Variants in CAMK2G observed in about 807,000 individuals in gnomAD.
CAMK2G encodes calcium/calmodulin dependent protein kinase II gamma.
In CAMK2G, 23 loss-of-function variants were observed where a neutral mutation model predicts 88.7. The ratio of observed to expected loss-of-function variants is 0.26; its 90% CI spans 0.19 to 0.37. The LOEUF (loss-of-function observed/expected upper bound fraction) is 0.37, where lower values mean the gene tolerates loss of function less well. CAMK2G is among the 10% of genes least tolerant of loss of function. The probability of loss-of-function intolerance (pLI) is 1.00; values close to 1 mark genes in which losing one functional copy is unlikely to be tolerated. For synonymous variants in CAMK2G, 263 were observed against 294.8 expected (o/e 0.89, Z 1.11); for missense variants, 476 against 780.8 (o/e 0.61, Z 4.65).
At chr10:73,835,588 G>A (rs532296578) in intron 14 of CAMK2G, among the ~76,000 whole-genome samples, 5 of 150,546 alleles carry the variant, frequency 3.3e-5, no homozygotes, top group Non-Finnish European at 5.9e-5. Flanking sequence ...CACCGCACCC[G>A]GCTTGCCAAA....
intron 19 of CAMK2G, chr10:73,818,855 G>A (rs760280606): frequency 1.8e-5 from 8 of 455,872 alleles, no homozygotes; most frequent in Non-Finnish European, 3.1e-5. Context: ...GATGGTGGGA[G>A]GAAAAGCAGC....
rs1427622340 is a variant in CAMK2G, at chr10:73,815,162, G to C, written c.1620C>G (p.Ala540=). The change falls in exon 22 of 23, where the codon GCC becomes GCG. Residue 540 remains alanine (A), a synonymous_variant. Transcript: ENST00000423381. ...CGATGTACTGGGTGAGGCGGATGTAGGCGATGCACGCTGCGTCCTCCCCAA... is the reference window on the plus strand; with the variant it reads ...CGATGTACTGGGTGAGGCGGATGTACGCGATGCACGCTGCGTCCTCCCCAA... The part of the protein sequence containing the change: ...HVIGEDAACI[A]YIRLTQYIDG... 1 of 1,614,130 alleles carries C rather than the reference G, an allele frequency of 6.2e-7. No homozygotes were observed. Among genetic ancestry groups the C allele is most frequent in the Non-Finnish European group, 8.5e-7 (1 of 1,180,034 alleles).
intron 13 of CAMK2G, among the ~76,000 whole-genome samples, chr10:73,838,594 A>G (rs1370221178): frequency 2.0e-5 from 3 of 152,160 alleles, no homozygotes; most frequent in Non-Finnish European, 4.4e-5. Flanking sequence ...TTCCTCCCCA[A>G]GCTGTGTTCC....
rs1284462261 is a variant in CAMK2G, at chr10:73,817,744, A to T, written c.1364-190T>A. Reference sequence around the variant, plus strand: ...GTCTCCCTCTCTGCAGTCTGCAGAGACAATGACCACTTTCTCCTGAAGCCC... The same window carrying T: ...GTCTCCCTCTCTGCAGTCTGCAGAGTCAATGACCACTTTCTCCTGAAGCCC... On this transcript the variant is annotated intron_variant, in intron 19 of 22. Coordinates refer to ENST00000423381, the MANE Select transcript of CAMK2G (RefSeq NM_001367534.1). 1.7e-5 allele frequency: 10 copies of T among 587,936 alleles called. No homozygotes were observed. In the Admixed American group the frequency reaches 2.6e-4, roughly 16 times the overall value. The allele number at this position is 587,936 out of a possible 1,614,324, so 36.4% of individuals were successfully genotyped here.
chr10:73,865,797 G>A (rs1011211371), intron 2 of CAMK2G, among the ~76,000 whole-genome samples: 2 of 152,146 alleles, frequency 1.3e-5, no homozygotes, highest in African/African-American at 2.4e-5. Flanking sequence ...TAACCACTAG[G>A]GAGAGGCTCA....
intron 14 of CAMK2G, among the ~76,000 whole-genome samples, chr10:73,834,310 G>A (rs1328806892): frequency 2.0e-5 from 3 of 152,154 alleles, no homozygotes; most frequent in African/African-American, 7.2e-5. Context: ...ATACGCGGTT[G>A]GCCTTTTAAT....
At chr10:73,817,761 C>T (rs1269497145) in intron 19 of CAMK2G, 1 of 575,902 alleles carries the variant, frequency 1.7e-6, no homozygotes, top group East Asian at 2.8e-5. Context: ...CCACTTTCTC[C>T]TGAAGCCCAG....
intron 18 of CAMK2G, 154 bp downstream of exon 18, chr10:73,821,528 G>A (rs2088751527): frequency 1.6e-6 from 1 of 622,574 alleles, no homozygotes; most frequent in Non-Finnish European, 2.9e-6. Flanking sequence ...CTCATATCTT[G>A]GCTCGTGGAA....
At position 73,813,696 on chromosome 10, in the gene CAMK2G, C is replaced by T. The variant is rs1033344789; in HGVS notation, c.*822G>A. ...AGCAAAGCAGCAACAACCCCTCCCC[C>T]TCCTAGCTGCAGGGATAAGGCCTCA... On this transcript the variant is annotated 3_prime_UTR_variant, in exon 23 of 23. Transcript: ENST00000423381. The T allele has an allele frequency of 1.3e-5, 2 of 152,894 alleles. No homozygotes were observed. Among genetic ancestry groups the T allele is most frequent in the African/African-American group, 4.8e-5 (2 of 41,474 alleles). The allele number at this position is 152,894 out of a possible 1,614,324, so 9.5% of individuals were successfully genotyped here.
At chr10:73,824,574 C>T (rs2133572225) in intron 16 of CAMK2G, among the ~76,000 whole-genome samples, 1 of 152,350 alleles carries the variant, frequency 6.6e-6, no homozygotes, top group East Asian at 1.9e-4. Context: ...GAGCTGCCCA[C>T]TGCGCCCGCC....
At chr10:73,816,217 A>G in intron 21 of CAMK2G, 1 of 986,866 alleles carries the variant, frequency 1.0e-6, no homozygotes, top group Non-Finnish European at 1.2e-6. Context: ...AACTGTCCAG[A>G]ATGTACACCC....
chr10:73,852,110 C>A, intron 5 of CAMK2G, 144 bp downstream of exon 5: 1 of 676,798 alleles, frequency 1.5e-6, no homozygotes, highest in Non-Finnish European at 2.7e-6. Context: ...CCCAGCTCAA[C>A]AGAATCTTTC....
At chr10:73,870,947 G>A (rs1035082511) in intron 2 of CAMK2G, among the ~76,000 whole-genome samples, 1 of 152,028 alleles carries the variant, frequency 6.6e-6, no homozygotes, top group Non-Finnish European at 1.5e-5. Context: ...CTCCAAGACA[G>A]CCCCTTTCCA....
Position 73,829,199 on chromosome 10 carries a change from A to T in CAMK2G, c.1054-1078T>A, listed in dbSNP as rs191806968. On this transcript the variant is annotated intron_variant, in intron 14 of 22. Coordinates refer to ENST00000423381, the MANE Select transcript of CAMK2G (RefSeq NM_001367534.1). ...AGGCTACAAATATTGACAATGGTCC[A>T]TAATTTAGAATTAGATTTAAAGGAA... Among the ~76,000 whole-genome samples, 3 of 152,216 alleles carry T rather than the reference A, an allele frequency of 2.0e-5. No homozygotes were observed. In the South Asian group the frequency reaches 6.2e-4, roughly 31 times the overall value.
chr10:73,832,540 C>T (rs1387496940), intron 14 of CAMK2G, among the ~76,000 whole-genome samples: 4 of 152,028 alleles, frequency 2.6e-5, no homozygotes, highest in African/African-American at 9.7e-5. Flanking sequence ...CTCCTGACCT[C>T]GTGATCTGTC....
At chr10:73,863,908 T>G (rs1423171895) in intron 2 of CAMK2G, among the ~76,000 whole-genome samples, 1 of 152,226 alleles carries the variant, frequency 6.6e-6, no homozygotes, top group Non-Finnish European at 1.5e-5. Context: ...GACTATACCT[T>G]GATCCTCATT....
intron 3 of CAMK2G, among the ~76,000 whole-genome samples, 176 bp downstream of exon 3, chr10:73,860,654 G>A (rs907165828): frequency 3.9e-5 from 6 of 152,192 alleles, no homozygotes; most frequent in Non-Finnish European, 5.9e-5. Context: ...AGATACTCAG[G>A]TCTCTAAACT....
intron 16 of CAMK2G, 99 bp downstream of exon 16, chr10:73,825,179 GA>G: frequency 2.3e-6 from 2 of 852,262 alleles, no homozygotes; most frequent in South Asian, 2.7e-5. Context: ...ACCAAGAAAG[GA>G]ACAGGCCAGG....
At chr10:73,830,230 C>A (rs2092196602) in intron 14 of CAMK2G, among the ~76,000 whole-genome samples, 1 of 152,188 alleles carries the variant, frequency 6.6e-6, no homozygotes, top group South Asian at 2.1e-4. Context: ...CATAGCTGGG[C>A]TCCTTCTGAA....
Sources: allele counts gnomAD v4.1 joint callset (sites outside exome capture counted in the v4.1 genomes callset), GRCh38; gene constraint gnomAD v4.1.1; transcripts MANE v1.5; gene names NCBI Gene and HGNC (gene_info 2026-07-23, HGNC 2026-07-21).